MYH1: variants seen among roughly 807,000 people sequenced by gnomAD.
MYH1 encodes myosin heavy chain 1.
In MYH1, 214 loss-of-function variants were observed where a neutral mutation model predicts 225.6. That is an observed-to-expected ratio of 0.95 (90% confidence interval 0.85 to 1.06). The LOEUF (loss-of-function observed/expected upper bound fraction) is 1.06, where lower values mean the gene tolerates loss of function less well. Ranked by LOEUF, MYH1 falls within the 50% of genes least tolerant of loss-of-function variation. MYH1 has a pLI of 0.00. For synonymous variants in MYH1, 774 were observed against 842.3 expected (o/e 0.92, Z 1.40); for missense variants, 2,098 against 2,344.2 (o/e 0.89, Z 2.17).
Position 10,499,011 on chromosome 17 carries a change from A to G in MYH1, c.3947T>C (p.Ile1316Thr), listed in dbSNP as rs773530680. The G allele has an allele frequency of 8.7e-6, 14 of 1,613,924 alleles. No individual in the cohort carries two copies. Among genetic ancestry groups the G allele is most frequent in the African/African-American group, 5.3e-5 (4 of 74,932 alleles). Residue 1316 changes from isoleucine to threonine, a missense_variant, in exon 29 of 40, where the codon ATT becomes ACT. Physicochemically the swap from Ile to Thr is moderately conservative, Grantham distance 89. Transcript: ENST00000226207. ...TTCAAGTTGCCTTTTCAGTTCCTCA[A>G]TCTGTTGTGTAAAGGCTTGTTTGCC... is the stretch of plus-strand genomic sequence containing the variant. ...SRGKQAFTQQIEELKRQLEEE... is the reference protein window; with the variant it reads ...SRGKQAFTQQTEELKRQLEEE...
chr17:10,516,428 T>C lies in MYH1; in HGVS notation c.204+11A>G. ...GGCAGAGTCTAATCAGCTCCAGGTG[T>C]TTTTACTCACAGCTCCAGCTTCGGT... On this transcript the variant is annotated intron_variant, in intron 3 of 39. Coordinates refer to ENST00000226207, the MANE Select transcript of MYH1 (RefSeq NM_005963.4). 1 of 1,614,168 alleles carries C rather than the reference T, an allele frequency of 6.2e-7. No homozygotes were observed. Among genetic ancestry groups the C allele is most frequent in the East Asian group, 2.2e-5 (1 of 44,878 alleles).
At chr17:10,505,782 T>C (rs1245527308) in intron 19 of MYH1, 30 bp downstream of exon 19, 12 of 1,613,046 alleles carry the variant, frequency 7.4e-6, no homozygotes, top group African/African-American at 5.3e-5. Context: ...TAAAAACCTC[T>C]TAAAATAATT....
At chr17:10,495,698 T>C (rs571102082) in intron 35 of MYH1, among the ~76,000 whole-genome samples, 28 of 126,588 alleles carry the variant, frequency 2.2e-4, no homozygotes, top group African/African-American at 7.2e-4. Context: ...GAGGTGGAGC[T>C]TGCAGCGAGC....
intron 17 of MYH1, among the ~76,000 whole-genome samples, chr17:10,506,476 C>G (rs2073113535): frequency 6.6e-6 from 1 of 151,592 alleles, no homozygotes; most frequent in Non-Finnish European, 1.5e-5. Context: ...CCACTTTTTT[C>G]TTTGTCTTTT....
In MYH1 at chr17:10,513,704, A is replaced by C. The variant is rs1464315525; in HGVS notation, c.742-15T>G. 1.2e-6 allele frequency: 2 copies of C among 1,613,870 alleles called. No individual in the cohort carries two copies. The highest frequency in any genetic ancestry group is 1.7e-6 in the Non-Finnish European group (2 of 1,179,844). Reference sequence around the variant, plus strand: ...ATGAATTTACCCTTGTAAGTAAAAAAAATGATGTTATACCCAAAGCTTGAA... The same window carrying C: ...ATGAATTTACCCTTGTAAGTAAAAACAATGATGTTATACCCAAAGCTTGAA... On this transcript the variant is annotated splice_polypyrimidine_tract_variant and intron_variant, in intron 8 of 39. Transcript: ENST00000226207.
intron 9 of MYH1, 131 bp from the exon 10 acceptor site, chr17:10,513,096 C>G: frequency 1.5e-6 from 1 of 654,172 alleles, no homozygotes; most frequent in East Asian, 2.7e-5. Context: ...CTGTGAAGTA[C>G]CACATATTAT....
chr17:10,492,563 T>C lies in MYH1; in HGVS notation c.5673A>G (p.Glu1891=), dbSNP rs776950904. 6.2e-6 allele frequency: 10 copies of C among 1,610,118 alleles called. No homozygotes were observed. In the East Asian group the frequency reaches 1.8e-4, roughly 29 times the overall value. The part of the protein sequence containing the change: ...SYKRQAEEAE[E]QSNVNLSKFR... ...ATTTGGAGAGGTTGACGTTGGATTG[T>C]TCCTCCTGTGAATGGAAATCCATTT... Residue 1891 remains glutamate (E), a synonymous_variant, in exon 40 of 40, where the codon GAA becomes GAG. Coordinates refer to ENST00000226207, the MANE Select transcript of MYH1 (RefSeq NM_005963.4).
Position 10,498,970 on chromosome 17 carries a change from T to G in MYH1, c.3984+4A>C, listed in dbSNP as rs201080737. 5 of 1,609,122 alleles carry G rather than the reference T, an allele frequency of 3.1e-6. No individual in the cohort carries two copies. The African/African-American group carries it at 4.0e-5, about 13-fold the overall frequency. ...TAATGACAAGAATGACAAGTGGAGC[T>G]TACCTTTATCTCCTCTTCAAGTTGC... On this transcript the variant is annotated splice_donor_region_variant and intron_variant, in intron 29 of 39. Transcript: ENST00000226207.
chr17:10,494,355 G>C lies in MYH1; in HGVS notation c.5666C>G (p.Ala1889Gly). ...VKSYKRQAEE[A>G]EEQSNVNLSK... Reference sequence around the variant, plus strand: ...CACCCCAAGGGGTTGTGAACTCACCGCTTCTTCAGCTTGTCTCTTGTAGGA... The same window carrying C: ...CACCCCAAGGGGTTGTGAACTCACCCCTTCTTCAGCTTGTCTCTTGTAGGA... Residue 1889 changes from alanine (A) to glycine (G), a missense_variant and splice_region_variant, in exon 39 of 40, where the codon GCG becomes GGG. Physicochemically the swap from Ala to Gly is moderately conservative, Grantham distance 60 (BLOSUM62 0). Transcript: ENST00000226207. 1 of 1,613,850 alleles carries C rather than the reference G, an allele frequency of 6.2e-7. No individual in the cohort carries two copies. Among genetic ancestry groups the C allele is most frequent in the Non-Finnish European group, 8.5e-7 (1 of 1,179,876 alleles).
Position 10,512,132 on chromosome 17 carries a change from C to G in MYH1, c.1208G>C (p.Cys403Ser), listed in dbSNP as rs1416455931. 3.1e-6 allele frequency: 5 copies of G among 1,614,064 alleles called. No homozygotes were observed. Among genetic ancestry groups the G allele is most frequent in the South Asian group, 2.2e-5 (2 of 91,084 alleles). The change falls in exon 13 of 40, where the codon TGC becomes TCC. Residue 403 changes from cysteine (C) to serine (S), a missense_variant. Physicochemically the swap from Cys to Ser is moderately radical, Grantham distance 112. Coordinates refer to ENST00000226207, the MANE Select transcript of MYH1 (RefSeq NM_005963.4). ...ATTGCCGACCTTGACCCTAGGGTAG[C>G]AGAGGGCTTTGAGCAGATCTGCAGA... ...LNSADLLKAL[C>S]YPRVKVGNEY...
chr17:10,498,603 T>C (rs771646603), intron 30 of MYH1, 23 bp downstream of exon 30: 1 of 1,613,814 alleles, frequency 6.2e-7, no homozygotes, highest in Non-Finnish European at 8.5e-7. Flanking sequence ...TATAGTTCCA[T>C]TTTAACTAAG....
intron 5 of MYH1, among the ~76,000 whole-genome samples, 174 bp from the exon 6 acceptor site, chr17:10,515,069 A>T (rs1329241019): frequency 6.6e-6 from 1 of 152,230 alleles, no homozygotes; most frequent in Non-Finnish European, 1.5e-5. Flanking sequence ...AGTATTCTCC[A>T]AAGCTAGATA....
At chr17:10,503,389 A>G in intron 22 of MYH1, 141 bp from the exon 23 acceptor site, 1 of 1,220,990 alleles carries the variant, frequency 8.2e-7, no homozygotes, top group Non-Finnish European at 1.1e-6. Context: ...TTCAGTAAAT[A>G]TTGGGCACTT....
At position 10,501,644 on chromosome 17, in the gene MYH1, C is replaced by T; in HGVS notation, c.3298G>A (p.Asp1100Asn). The T allele has an allele frequency of 6.2e-7, 1 of 1,614,234 alleles. No homozygotes were observed. The highest frequency in any genetic ancestry group is 8.5e-7 in the Non-Finnish European group (1 of 1,180,038). ...AGCTGCATACCAAGGGCTTGTTCATCTTCAATCTTGCTTTGCAGACCGCTC... is the reference window on the plus strand; with the variant it reads ...AGCTGCATACCAAGGGCTTGTTCATTTTCAATCTTGCTTTGCAGACCGCTC... The part of the protein sequence containing the change: ...EMSGLQSKIE[D>N]EQALGMQLQK... Residue 1100 changes from aspartate (D) to asparagine (N), a missense_variant, in exon 26 of 40, where the codon GAT (aspartate) becomes AAT (asparagine). Transcript: ENST00000226207.
chr17:10,503,292 A>G (rs1597438442), intron 22 of MYH1, 44 bp from the exon 23 acceptor site: 1 of 1,590,490 alleles, frequency 6.3e-7, no homozygotes, highest in East Asian at 2.2e-5. Context: ...GAAAATTCCT[A>G]GACATTTTCA....
At chr17:10,499,771 G>A in intron 28 of MYH1, among the ~76,000 whole-genome samples, 1 of 152,030 alleles carries the variant, frequency 6.6e-6, no homozygotes, top group East Asian at 1.9e-4. Flanking sequence ...CATTTAATAA[G>A]AATTATAATA....
At chr17:10,500,840 A>T in intron 27 of MYH1, 88 bp from the exon 28 acceptor site, 1 of 1,555,248 alleles carries the variant, frequency 6.4e-7, no homozygotes, top group Non-Finnish European at 8.8e-7. Flanking sequence ...TATGAGCTGC[A>T]GTACTCATTT....
In MYH1 at chr17:10,502,645, A is replaced by G. The variant is rs1233087315; in HGVS notation, c.3111+93T>C. ...ATTCCTCATTCATAGGAGGCACTTGATAAGTACTCACTATATCATAACGAC... is the reference window on the plus strand; with the variant it reads ...ATTCCTCATTCATAGGAGGCACTTGGTAAGTACTCACTATATCATAACGAC... On this transcript the variant is annotated intron_variant, in intron 24 of 39. Coordinates refer to ENST00000226207, the MANE Select transcript of MYH1 (RefSeq NM_005963.4). 3.5e-5 allele frequency: 55 copies of G among 1,573,958 alleles called. No homozygotes were observed. The Admixed American group carries it at 5.7e-4, about 16-fold the overall frequency.
chr17:10,508,225 A>G, intron 16 of MYH1, 138 bp downstream of exon 16: 1 of 1,001,918 alleles, frequency 1.0e-6, no homozygotes, highest in Non-Finnish European at 1.5e-6. Flanking sequence ...TGCTATGTTG[A>G]CCGGGCTGGT....
Sources: gnomAD v4.1 joint callset for allele counts (sites outside exome capture counted in the v4.1 genomes callset) on GRCh38, gnomAD v4.1.1 for gene constraint, MANE v1.5 for transcripts, NCBI Gene and HGNC (gene_info 2026-07-23, HGNC 2026-07-21) for gene names.